The following DACH1 variants were observed in gnomAD, a reference collection of about 807,000 sequenced individuals.
The protein encoded by DACH1 is dachshund homolog 1.
DACH1 carries 12 observed loss-of-function variants against 54.2 expected under a neutral mutation model. The observed-to-expected ratio is 0.22, with a 90% CI of 0.14 to 0.36. DACH1 has a LOEUF of 0.36. DACH1 is among the 10% of genes least tolerant of loss of function. The pLI is 1.00. For synonymous variants in DACH1, 386 were observed against 366.2 expected (o/e 1.05, Z -0.62); for missense variants, 805 against 929.8 (o/e 0.87, Z 1.75).
At chr13:71,450,901 T>C (rs922389216) in intron 10 of DACH1, among the ~76,000 whole-genome samples, 4 of 152,108 alleles carry the variant, frequency 2.6e-5, no homozygotes, top group African/African-American at 9.7e-5. Context: ...GTATTAATGA[T>C]ATTCTAGTCT....
At chr13:71,630,421 C>T in intron 3 of DACH1, 135 bp downstream of exon 3, 2 of 1,348,014 alleles carry the variant, frequency 1.5e-6, no homozygotes, top group Non-Finnish European at 1.9e-6. Flanking sequence ...AAATGGTATC[C>T]TCAAACATAC....
chr13:71,743,160 G>A (rs2875622), intron 1 of DACH1, among the ~76,000 whole-genome samples: 115,406 of 152,038 alleles, frequency 0.76, 45,328 homozygotes, highest in Non-Finnish European at 0.88. Flanking sequence ...ACTCACTGCC[G>A]AAATTATTGG....
intron 6 of DACH1, among the ~76,000 whole-genome samples, chr13:71,544,315 C>A (rs574628216): frequency 6.6e-6 from 1 of 152,172 alleles, no homozygotes; most frequent in African/African-American, 2.4e-5. Flanking sequence ...AGATAAACTC[C>A]TATATATGGG....
chr13:71,607,447 T>C (rs567823532), intron 3 of DACH1, among the ~76,000 whole-genome samples: 21 of 152,118 alleles, frequency 1.4e-4, no homozygotes, highest in Non-Finnish European at 2.5e-4. Context: ...AGGAAATGCA[T>C]TTCTGATATC....
intron 8 of DACH1, among the ~76,000 whole-genome samples, chr13:71,477,124 T>A (rs1317469294): frequency 8.3e-6 from 1 of 120,126 alleles, no homozygotes; most frequent in Non-Finnish European, 1.7e-5. Flanking sequence ...TTTTTTTTTT[T>A]TTTTTTTTTG....
At chr13:71,529,776 T>C (rs896154964) in intron 6 of DACH1, among the ~76,000 whole-genome samples, 7 of 152,206 alleles carry the variant, frequency 4.6e-5, no homozygotes, top group Non-Finnish European at 1.0e-4. Flanking sequence ...ACAACCTCCA[T>C]GTTGTTTGTG....
intron 1 of DACH1, chr13:71,704,620 C>G: frequency 2.4e-6 from 1 of 422,328 alleles, no homozygotes; most frequent in Admixed American, 2.6e-5. Context: ...GGAGCCTGAG[C>G]TGCTGGAACC....
intron 6 of DACH1, among the ~76,000 whole-genome samples, chr13:71,532,917 G>T (rs1393262892): frequency 6.6e-6 from 1 of 151,724 alleles, no homozygotes; most frequent in Non-Finnish European, 1.5e-5. Context: ...ATAATGATAA[G>T]AATATATTTT....
intron 1 of DACH1, among the ~76,000 whole-genome samples, chr13:71,735,125 A>ATG (rs1883965324): frequency 1.3e-5 from 2 of 151,298 alleles, no homozygotes; most frequent in African/African-American, 4.9e-5. Flanking sequence ...TGGGTTATAC[A>ATG]TATATATGGG....
chr13:71,864,825 C>A (rs1269898513), intron 1 of DACH1, among the ~76,000 whole-genome samples: 1 of 151,744 alleles, frequency 6.6e-6, no homozygotes, highest in African/African-American at 2.4e-5. Context: ...GTCCCGCCGC[C>A]TCCTCCGTGC....
rs749616740 is a variant in DACH1 at position 71,866,280 on chromosome 13, A to AGCTGCTGCT, written c.481_489dup (p.Ser161_Ser163dup). 3 of 1,583,838 alleles carry AGCTGCTGCT rather than the reference A, an allele frequency of 1.9e-6. No individual in the cohort carries two copies. In the East Asian group the frequency reaches 6.9e-5, roughly 37 times the overall value. ...ACGGGTTTCCCGGGGAGGGGGCCGC[A>AGCTGCTGCT]GCTGCTGCTGCTACTGCTGCTGCTG... is the stretch of plus-strand genomic sequence containing the variant. On this transcript the variant is annotated inframe_insertion, in exon 1 of 11. Coordinates refer to ENST00000613252, the MANE Select transcript of DACH1 (RefSeq NM_080759.6).
intron 1 of DACH1, among the ~76,000 whole-genome samples, chr13:71,836,387 C>G (rs1888785107): frequency 2.6e-5 from 4 of 152,022 alleles, no homozygotes. Context: ...GATTATTCCA[C>G]TTTTAGACGA....
chr13:71,722,505 G>T (rs1594137012), intron 1 of DACH1, among the ~76,000 whole-genome samples: 1 of 152,090 alleles, frequency 6.6e-6, no homozygotes, highest in African/African-American at 2.4e-5. Flanking sequence ...AATTGGGAAG[G>T]GGGTACTTCC....
In DACH1 at chr13:71,619,735, A is replaced by G. The variant is rs1050495551; in HGVS notation, c.1126+10821T>C. 6.6e-5 allele frequency among the ~76,000 whole-genome samples: 10 copies of G among 151,980 alleles called. No homozygotes were observed. The East Asian group carries it at 7.7e-4, about 12-fold the overall frequency. ...GAAGCTGAAATGTAGGAGGGATTCA[A>G]TTATGTGGGGTTTGTGTATGAGTGT... On this transcript the variant is annotated intron_variant, in intron 3 of 10. Coordinates refer to ENST00000613252, the MANE Select transcript of DACH1 (RefSeq NM_080759.6).
intron 8 of DACH1, 122 bp from the exon 9 acceptor site, chr13:71,475,971 T>C (rs1243877153): frequency 7.0e-6 from 5 of 716,182 alleles, no homozygotes; most frequent in Non-Finnish European, 9.8e-6. Flanking sequence ...TGAGTCTACC[T>C]ATAAAAAGAA....
intron 3 of DACH1, among the ~76,000 whole-genome samples, chr13:71,622,635 T>TA (rs1259170620): frequency 1.3e-5 from 2 of 151,868 alleles, no homozygotes; most frequent in Admixed American, 1.3e-4. Context: ...GGTTGATAAT[T>TA]ACCATTTCCA....
At chr13:71,688,409 T>C (rs1881295270) in intron 1 of DACH1, among the ~76,000 whole-genome samples, 1 of 152,242 alleles carries the variant, frequency 6.6e-6, no homozygotes, top group African/African-American at 2.4e-5. Flanking sequence ...CCAGAAGCTA[T>C]ATGATTAACA....
chr13:71,754,880 T>A (rs1885079426), intron 1 of DACH1, among the ~76,000 whole-genome samples: 1 of 152,200 alleles, frequency 6.6e-6, no homozygotes, highest in Admixed American at 6.5e-5. Context: ...TATGAATTGT[T>A]AAATATCATT....
intron 10 of DACH1, among the ~76,000 whole-genome samples, chr13:71,461,833 G>T (rs2138140784): frequency 6.6e-6 from 1 of 151,934 alleles, no homozygotes; most frequent in Non-Finnish European, 1.5e-5. Flanking sequence ...AAACCACTAA[G>T]AAAATAAAGA....
Sources: gnomAD v4.1 joint callset for allele counts (sites outside exome capture counted in the v4.1 genomes callset) on GRCh38, gnomAD v4.1.1 for gene constraint, MANE v1.5 for transcripts, NCBI Gene and HGNC (gene_info 2026-07-23, HGNC 2026-07-21) for gene names.